SMG1: variants seen among roughly 807,000 people sequenced by gnomAD.
SMG1 encodes the protein serine/threonine-protein kinase SMG1.
In SMG1, 22 loss-of-function variants were observed where a neutral mutation model predicts 419.9. The observed-to-expected ratio is 0.05, with a 90% confidence interval of 0.04 to 0.07. The LOEUF is 0.07. Ranked by LOEUF, SMG1 falls within the 10% of genes least tolerant of loss-of-function variation. The pLI, the probability that SMG1 is intolerant of heterozygous loss-of-function variation, is 1.00. For synonymous variants in SMG1, 1,538 were observed against 1,553.5 expected (o/e 0.99, Z 0.23); for missense variants, 3,185 against 4,342.0 (o/e 0.73, Z 7.49).
chr16:18,915,057 C>T (rs1218959397), intron 1 of SMG1, among the ~76,000 whole-genome samples: 1 of 149,370 alleles, frequency 6.7e-6, no homozygotes, highest in East Asian at 2.2e-4. Context: ...CTGCAACCTC[C>T]GCCTCCCAAG....
intron 56 of SMG1, among the ~76,000 whole-genome samples, chr16:18,818,562 G>A (rs1031530261): frequency 4.6e-5 from 7 of 151,968 alleles, no homozygotes; most frequent in Non-Finnish European, 1.0e-4. Flanking sequence ...TTCTTAATAG[G>A]TATATACTGA....
intron 45 of SMG1, 34 bp from the exon 46 acceptor site, chr16:18,837,477 A>G: frequency 6.4e-7 from 1 of 1,563,346 alleles, no homozygotes; most frequent in Non-Finnish European, 8.7e-7. Flanking sequence ...GAAGACTCTT[A>G]CAGGGCCAAT....
intron 1 of SMG1, among the ~76,000 whole-genome samples, chr16:18,906,666 A>G (rs1474179350): frequency 6.6e-6 from 1 of 152,162 alleles, no homozygotes; most frequent in Non-Finnish European, 1.5e-5. Flanking sequence ...AACATATAAA[A>G]AGGAAAAACT....
chr16:18,885,588 G>T lies in SMG1; in HGVS notation c.901C>A (p.Leu301Ile). Residue 301 changes from leucine (L) to isoleucine (I), a missense_variant, in exon 7 of 63, where the codon CTT becomes ATT. Leu to Ile is a conservative substitution (Grantham distance 5). Transcript: ENST00000446231. ...TGAGGGTAACATCGAGCCACCAAAA[G>T]AATGCACTTAACACATTTACAAAGC... ...ELLCKCVKCILLVARCYPHIF... is the reference protein window; with the variant it reads ...ELLCKCVKCIILVARCYPHIF... 6.3e-7 allele frequency: 1 copy of T among 1,596,052 alleles called. No homozygotes were observed. Among genetic ancestry groups the T allele is most frequent in the Non-Finnish European group, 8.5e-7 (1 of 1,179,552 alleles).
chr16:18,810,749 CAAT>C (rs1294335759), intron 62 of SMG1, among the ~76,000 whole-genome samples: 2 of 152,106 alleles, frequency 1.3e-5, no homozygotes, highest in South Asian at 2.1e-4. Context: ...AGTATTACAA[CAAT>C]GTTAAGTTTC....
chr16:18,920,297 G>A (rs183232403), intron 1 of SMG1, among the ~76,000 whole-genome samples: 9 of 150,850 alleles, frequency 6.0e-5, no homozygotes, highest in Admixed American at 5.3e-4. Context: ...CAGGAAAATC[G>A]CTTGTACCTG....
intron 10 of SMG1, 80 bp downstream of exon 10, chr16:18,882,084 GT>G (rs1341077354): frequency 3.2e-6 from 3 of 949,176 alleles, no homozygotes; most frequent in Non-Finnish European, 4.6e-6. Context: ...ATTAATAACA[GT>G]TCACCAGGTA....
rs373687985 is a variant in SMG1, at chr16:18,853,852, G to C, written c.4499C>G (p.Ala1500Gly). 6.2e-7 allele frequency: 1 copy of C among 1,610,974 alleles called. No homozygotes were observed. The highest frequency in any genetic ancestry group is 8.5e-7 in the Non-Finnish European group (1 of 1,178,052). Residue 1500 changes from alanine to glycine, a missense_variant, in exon 31 of 63, where the codon GCA becomes GGA. Ala to Gly is a moderately conservative substitution (Grantham distance 60). This residue lies in a region of SMG1 where 493 missense variants were observed against 552.9 expected (regional missense o/e 0.89). Transcript: ENST00000446231. ...GGCACAAGAACTCAACATTTCCATT[G>C]CATGTGTTGACTGGCCTACAGAAAA... ...LLYTAGQSTH[A>G]MEMLSSCAIS...
At position 18,834,444 on chromosome 16, in the gene SMG1, A is replaced by G. The variant is rs376751606; in HGVS notation, c.8331-6T>C. On this transcript the variant is annotated splice_polypyrimidine_tract_variant and splice_region_variant and intron_variant, in intron 49 of 62. Transcript: ENST00000446231. ...CTTCCATCATCAGGTTACGCCTACAAGAGATAAATATCTGTACAGTGAAAC... is the reference window on the plus strand; with the variant it reads ...CTTCCATCATCAGGTTACGCCTACAGGAGATAAATATCTGTACAGTGAAAC... 27 of 1,610,872 alleles carry G rather than the reference A, an allele frequency of 1.7e-5. No individual in the cohort carries two copies. In the African/African-American group the frequency reaches 2.0e-4, roughly 12 times the overall value.
chr16:18,857,876 A>C (rs781750910), intron 29 of SMG1: 50 of 194,546 alleles, frequency 2.6e-4, no homozygotes, highest in Non-Finnish European at 1.9e-4. Context: ...AACACAAGAG[A>C]ACATGTTGTT....
chr16:18,887,377 T>C (rs2036655379), intron 6 of SMG1, among the ~76,000 whole-genome samples: 1 of 151,892 alleles, frequency 6.6e-6, no homozygotes, highest in Non-Finnish European at 1.5e-5. Context: ...TGAGATAGGG[T>C]TGCCTATAAT....
chr16:18,912,020 G>A (rs2037811847), intron 1 of SMG1, among the ~76,000 whole-genome samples: 2 of 149,250 alleles, frequency 1.3e-5, no homozygotes, highest in South Asian at 2.1e-4. Flanking sequence ...GGTGGAGATT[G>A]CAGTGAGCCA....
intron 39 of SMG1, among the ~76,000 whole-genome samples, chr16:18,844,186 T>C (rs1182272073): frequency 2.0e-5 from 3 of 151,994 alleles, no homozygotes; most frequent in Non-Finnish European, 4.4e-5. Context: ...CCCAGCACTT[T>C]GGGAGGCCGA....
intron 3 of SMG1, among the ~76,000 whole-genome samples, chr16:18,893,403 T>A (rs1011497479): frequency 1.3e-5 from 2 of 152,186 alleles, no homozygotes; most frequent in African/African-American, 4.8e-5. Context: ...GGCAGGCAGA[T>A]CACTTGAGCC....
chr16:18,814,600 A>C (rs769286785), intron 60 of SMG1, among the ~76,000 whole-genome samples: 3 of 151,854 alleles, frequency 2.0e-5, no homozygotes, highest in Non-Finnish European at 2.9e-5. Context: ...TTTGAGACAG[A>C]GTCTTGCTCT....
chr16:18,849,621 G>A (rs1301225163), intron 35 of SMG1, among the ~76,000 whole-genome samples: 4 of 152,122 alleles, frequency 2.6e-5, no homozygotes, highest in Non-Finnish European at 4.4e-5. Flanking sequence ...AAAATGTTAC[G>A]GAGAAATGTA....
intron 12 of SMG1, 122 bp from the exon 13 acceptor site, chr16:18,876,515 C>T: frequency 7.9e-7 from 1 of 1,267,372 alleles, no homozygotes; most frequent in Non-Finnish European, 1.1e-6. Flanking sequence ...TCGATCAATT[C>T]ACTGTCCGTA....
intron 3 of SMG1, among the ~76,000 whole-genome samples, chr16:18,893,468 T>C (rs191687470): frequency 2.0e-5 from 3 of 151,908 alleles, no homozygotes. Flanking sequence ...CTACGAAAAA[T>C]ACAAAAATTA....
chr16:18,866,959 G>A (rs2035545225), intron 22 of SMG1, among the ~76,000 whole-genome samples, 184 bp from the exon 23 acceptor site: 2 of 152,278 alleles, frequency 1.3e-5, no homozygotes, highest in African/African-American at 2.4e-5. Context: ...CACAAAGGGT[G>A]ACTAACAGAA....
Sources: allele counts gnomAD v4.1 joint callset (sites outside exome capture counted in the v4.1 genomes callset), GRCh38; gene constraint gnomAD v4.1.1; regional missense constraint gnomAD v4.1.1; transcripts MANE v1.5; gene names NCBI Gene and HGNC (gene_info 2026-07-23, HGNC 2026-07-21).